The following PADI1 variants were observed in gnomAD, a reference collection of about 807,000 sequenced individuals.
PADI1 encodes protein-arginine deiminase type-1.
In PADI1, 65 loss-of-function variants were observed where a neutral mutation model predicts 74.8. The ratio of observed to expected loss-of-function variants is 0.87; its 90% CI spans 0.71 to 1.07. The LOEUF is 1.07. PADI1 is among the 50% of genes least tolerant of loss of function. PADI1 has a pLI of 0.00. For synonymous variants in PADI1, 371 were observed against 336.2 expected, an observed-to-expected ratio of 1.10 and a Z score of -1.13; for missense variants, 943 against 854.0, an observed-to-expected ratio of 1.10 and a Z score of -1.30.
chr1:17,231,200 C>T (rs933665965), intron 10 of PADI1, among the ~76,000 whole-genome samples: 3 of 152,178 alleles, frequency 2.0e-5, no homozygotes, highest in Admixed American at 2.0e-4. Context: ...CTTTCCATGG[C>T]TTACCTTATG....
chr1:17,237,178 C>T (rs1476127495), intron 11 of PADI1, 136 bp from the exon 12 acceptor site: 1 of 980,130 alleles, frequency 1.0e-6, no homozygotes, highest in East Asian at 2.5e-5. Flanking sequence ...GTCTTGGCTT[C>T]TCCACGCTCT....
At chr1:17,237,966 C>T (rs143076311) in intron 12 of PADI1, among the ~76,000 whole-genome samples, 1 of 152,286 alleles carries the variant, frequency 6.6e-6, no homozygotes, top group African/African-American at 2.4e-5. Flanking sequence ...AGGAGGCTTC[C>T]CAGTGACCAG....
chr1:17,240,953 T>C (rs1390595322), intron 15 of PADI1, among the ~76,000 whole-genome samples, 193 bp downstream of exon 15: 2 of 152,220 alleles, frequency 1.3e-5, no homozygotes, highest in Non-Finnish European at 2.9e-5. Flanking sequence ...GGGATTTTTG[T>C]TGCCGCAGTG....
chr1:17,240,008 G>A (rs371873428), intron 14 of PADI1: 1 of 535,536 alleles, frequency 1.9e-6, no homozygotes, highest in Non-Finnish European at 3.4e-6. Context: ...AGGGAGACCC[G>A]GCCCCACGCT....
chr1:17,212,545 A>G (rs1469945801), intron 1 of PADI1, among the ~76,000 whole-genome samples: 5 of 152,050 alleles, frequency 3.3e-5, no homozygotes, highest in African/African-American at 9.7e-5. Flanking sequence ...TCTTCTCCCT[A>G]GAGACCAGGT....
chr1:17,226,951 T>G (rs1001442440), intron 6 of PADI1, among the ~76,000 whole-genome samples: 14 of 151,772 alleles, frequency 9.2e-5, no homozygotes, highest in African/African-American at 3.4e-4. Flanking sequence ...CTCCGGAGGT[T>G]AAGGCAAGAG....
At chr1:17,222,654 C>T (rs1018225310) in intron 2 of PADI1, among the ~76,000 whole-genome samples, 184 bp downstream of exon 2, 1 of 152,144 alleles carries the variant, frequency 6.6e-6, no homozygotes, top group African/African-American at 2.4e-5. Context: ...ACGCAAACCT[C>T]CACCACCACT....
rs77578487 is a variant in PADI1, at chr1:17,238,501, G to A, written c.1459-115G>A. ...GTGCTTTGTGGCTGGGGTGTAGACC[G>A]AGTGGGAGAGGGGAGTCCCAAGAAC... is the stretch of plus-strand genomic sequence containing the variant. On this transcript the variant is annotated intron_variant, in intron 12 of 15. Coordinates refer to ENST00000375471, the MANE Select transcript of PADI1 (RefSeq NM_013358.3). The A allele has an allele frequency of 8.9e-3, 3,958 of 444,760 alleles. 124 individuals carry two copies. The highest frequency in any genetic ancestry group is 0.071 in the African/African-American group (3,469 of 49,006). The allele number at this position is 444,760 out of a possible 1,614,324, so 27.6% of individuals were successfully genotyped here.
intron 11 of PADI1, among the ~76,000 whole-genome samples, chr1:17,236,298 A>G (rs1399732879): frequency 6.6e-6 from 1 of 152,072 alleles, no homozygotes; most frequent in Admixed American, 6.6e-5. Flanking sequence ...CTGGGACTCA[A>G]CTCCCTCACC....
chr1:17,223,783 A>G (rs1251131180), intron 3 of PADI1, 90 bp downstream of exon 3: 1 of 1,056,826 alleles, frequency 9.5e-7, no homozygotes, highest in African/African-American at 1.5e-5. Context: ...GGAGTGGAAG[A>G]CCCATGGCCA....
chr1:17,241,323 G>A (rs1051362449), intron 15 of PADI1, among the ~76,000 whole-genome samples: 2 of 152,270 alleles, frequency 1.3e-5, no homozygotes, highest in Non-Finnish European at 2.9e-5. Flanking sequence ...TGGCCCAAGT[G>A]CCCATTAACC....
chr1:17,237,021 C>T (rs1246477537), intron 11 of PADI1, among the ~76,000 whole-genome samples: 2 of 152,134 alleles, frequency 1.3e-5, no homozygotes, highest in Admixed American at 6.5e-5. Context: ...TGGCCGAGCA[C>T]GCTTCAGATG....
intron 1 of PADI1, among the ~76,000 whole-genome samples, chr1:17,218,363 C>G (rs1034049102): frequency 1.3e-5 from 2 of 152,102 alleles, no homozygotes; most frequent in African/African-American, 4.8e-5. Context: ...CCCCCCACTC[C>G]AGAGAGCTGG....
At chr1:17,221,510 T>C (rs1388604673) in intron 1 of PADI1, among the ~76,000 whole-genome samples, 1 of 82,966 alleles carries the variant, frequency 1.2e-5, no homozygotes, top group African/African-American at 4.7e-5. Context: ...GGAAGGGAGA[T>C]GGGGGATCAG....
chr1:17,206,575 T>C (rs947260492), intron 1 of PADI1, among the ~76,000 whole-genome samples: 1 of 152,184 alleles, frequency 6.6e-6, no homozygotes, highest in Admixed American at 6.5e-5. Context: ...CTGGTTAAGT[T>C]TGAATTTCAG....
intron 3 of PADI1, 54 bp from the exon 4 acceptor site, chr1:17,224,313 G>T (rs71644027): frequency 5.3e-6 from 8 of 1,501,070 alleles, no homozygotes; most frequent in South Asian, 1.1e-5. Context: ...GACTTTAGGG[G>T]TGTGAAGATG....
At chr1:17,220,667 T>C (rs779394880) in intron 1 of PADI1, among the ~76,000 whole-genome samples, 2 of 152,140 alleles carry the variant, frequency 1.3e-5, no homozygotes, top group Non-Finnish European at 2.9e-5. Flanking sequence ...TGGGGGATGA[T>C]GTTGGAGAGC....
At chr1:17,228,512 C>T (rs2072387077) in intron 6 of PADI1, 113 bp from the exon 7 acceptor site, 1 of 1,067,562 alleles carries the variant, frequency 9.4e-7, no homozygotes, top group Non-Finnish European at 1.4e-6. Flanking sequence ...CGTGGCAGAG[C>T]CAGAGAGGAA....
chr1:17,215,900 T>A (rs903360011), intron 1 of PADI1, among the ~76,000 whole-genome samples: 1 of 152,172 alleles, frequency 6.6e-6, no homozygotes, highest in Non-Finnish European at 1.5e-5. Context: ...AGGTGGCCGG[T>A]GCCATGGGCT....
Sources: gnomAD v4.1 joint callset for allele counts (sites outside exome capture counted in the v4.1 genomes callset) on GRCh38, gnomAD v4.1.1 for gene constraint, MANE v1.5 for transcripts, NCBI Gene and HGNC (gene_info 2026-07-23, HGNC 2026-07-21) for gene names.